The following MEPCE variants were observed in gnomAD, a reference collection of about 807,000 sequenced individuals.
MEPCE encodes the protein 7SK snRNA methylphosphate capping enzyme.
A neutral mutation model predicts 52.3 loss-of-function variants in MEPCE; 9 were observed. The ratio of observed to expected loss-of-function variants is 0.17; its 90% CI spans 0.10 to 0.30. The LOEUF is 0.30. Ranked by LOEUF, MEPCE falls within the 10% of genes least tolerant of loss-of-function variation. The probability of loss-of-function intolerance (pLI) is 1.00; values close to 1 mark genes in which losing one functional copy is unlikely to be tolerated. For synonymous variants in MEPCE, 477 were observed against 401.6 expected (o/e 1.19, Z -2.25); for missense variants, 826 against 933.0 (o/e 0.89, Z 1.49).
rs2130993893 is a variant in MEPCE, at chr7:100,429,833, C to T, written c.-186C>T. 4.5e-6 allele frequency: 2 copies of T among 445,886 alleles called. No homozygotes were observed. The highest frequency in any genetic ancestry group is 1.2e-4 in the South Asian group (1 of 8,264). The allele number at this position is 445,886 out of a possible 1,614,324, so 27.6% of individuals were successfully genotyped here. A position where few individuals can be genotyped will look rare whatever the true frequency, so the allele number is the denominator to read the frequency against. On this transcript the variant is annotated 5_prime_UTR_variant, in exon 1 of 4. Transcript: ENST00000310512. The stretch of plus-strand genomic sequence containing the variant: ...CGAGTAGTTCGGGTCTCGCGGGCCT[C>T]TTGTTTTGGTCTCGCGGGCTAGTAG...
chr7:100,430,079 A>G lies in MEPCE; in HGVS notation c.61A>G (p.Lys21Glu). ...GGTGCCGGCCCCGCCGCCGCCGCTC[A>G]AAGATGAGTCGGGCGGAGGGGGCGG... ...FLVPAPPPPL[K>E]DESGGGGGPT... Residue 21 changes from lysine (K) to glutamate (E), a missense_variant, in exon 1 of 4, where the codon AAA (lysine) becomes GAA (glutamate). Physicochemically the swap from Lys to Glu is moderately conservative, Grantham distance 56. Coordinates refer to ENST00000310512, the MANE Select transcript of MEPCE (RefSeq NM_019606.6). 1 of 1,267,728 alleles carries G rather than the reference A, an allele frequency of 7.9e-7. No homozygotes were observed. Among genetic ancestry groups the G allele is most frequent in the Non-Finnish European group, 9.9e-7 (1 of 1,006,786 alleles). The allele number at this position is 1,267,728 out of a possible 1,614,324, so 78.5% of individuals were successfully genotyped here. A position where few individuals can be genotyped will look rare whatever the true frequency, so the allele number is the denominator to read the frequency against.
At chr7:100,428,848 T>C (rs1356996761), upstream of MEPCE, 1 of 151,924 alleles carries the variant, frequency 6.6e-6, no homozygotes, top group Admixed American at 6.6e-5. Flanking sequence ...GGCGGATGCG[T>C]TGGGGTTCGG....
Position 100,430,793 on chromosome 7 carries a change from G to T in MEPCE, c.775G>T (p.Gly259Cys), listed in dbSNP as rs766437529. Residue 259 changes from glycine (G) to cysteine (C), a missense_variant, in exon 1 of 4, where the codon GGT becomes TGT. By Grantham distance (159) the Gly-to-Cys change is radical. Around this residue, in one of 7 missense-constraint regions of MEPCE, gnomAD observed 307 missense variants for 292.1 expected, o/e 1.05. Transcript: ENST00000310512. ...AGTTCTTGCTTCGCCACTCAAGACT[G>T]GTCGGAAGCGGCATAGACACCGGGG... ...HVVLASPLKT[G>C]RKRHRHRGQH... is the part of the protein sequence containing the mutation. 6.2e-7 allele frequency: 1 copy of T among 1,613,634 alleles called. No individual in the cohort carries two copies. Among genetic ancestry groups the T allele is most frequent in the Non-Finnish European group, 8.5e-7 (1 of 1,179,824 alleles).
In MEPCE at chr7:100,433,518, G is replaced by A. The variant is rs373761220; in HGVS notation, c.2034G>A (p.Val678=). The change falls in exon 4 of 4, where the codon GTG becomes GTA. Residue 678 remains valine, a synonymous_variant. Coordinates refer to ENST00000310512, the MANE Select transcript of MEPCE (RefSeq NM_019606.6). The part of the protein sequence containing the change: ...HNTSKGFQRP[V]YLFHKARSPS... ...TCCCCTCAGGCTTCCAGCGTCCTGTGTACCTGTTCCACAAGGCCCGATCCC... is the reference window on the plus strand; with the variant it reads ...TCCCCTCAGGCTTCCAGCGTCCTGTATACCTGTTCCACAAGGCCCGATCCC... 1.9e-5 allele frequency: 30 copies of A among 1,613,744 alleles called. No homozygotes were observed. In the African/African-American group the frequency reaches 3.5e-4, roughly 19 times the overall value.
At position 100,430,966 on chromosome 7, in the gene MEPCE, TGAACTC is replaced by T. The variant is rs764303228; in HGVS notation, c.949_954del (p.Glu317_Leu318del). On this transcript the variant is annotated inframe_deletion, in exon 1 of 4. Transcript: ENST00000310512. ...AGAACCGGGATGCCCCCCAACCCTA[TGAACTC>T]AACACAGCCATCAACTGCAGGGATG... 1 of 1,610,422 alleles carries T rather than the reference TGAACTC, an allele frequency of 6.2e-7. No individual in the cohort carries two copies. The highest frequency in any genetic ancestry group is 8.5e-7 in the Non-Finnish European group (1 of 1,177,752).
upstream of MEPCE, chr7:100,429,232 G>C (rs780688705): frequency 2.0e-5 from 3 of 152,198 alleles, no homozygotes; most frequent in Admixed American, 2.0e-4. Context: ...CGCCCCTCCG[G>C]ATCGCGCTGA....
chr7:100,433,232 T>C, intron 2 of MEPCE, 31 bp from the exon 3 acceptor site: 1 of 1,614,070 alleles, frequency 6.2e-7, no homozygotes, highest in Non-Finnish European at 8.5e-7. Context: ...GGCGGCAGCG[T>C]GCTGAAGTGG....
At position 100,430,492 on chromosome 7, in the gene MEPCE, CG is replaced by C; in HGVS notation, c.479del (p.Gly160GlufsTer14). ...RRNSCNVGGG[G>X]GGFKHPAFKR... ...GAAATAGCTGTAATGTAGGGGGAGG[CG>C]GGGGAGGCTTCAAACATCCGGCCTT... On this transcript the variant is annotated frameshift_variant, in exon 1 of 4. Coordinates refer to ENST00000310512, the MANE Select transcript of MEPCE (RefSeq NM_019606.6). LOFTEE classifies it high-confidence loss of function. 1.3e-6 allele frequency: 2 copies of C among 1,573,072 alleles called. No homozygotes were observed. Among genetic ancestry groups the C allele is most frequent in the Non-Finnish European group, 8.6e-7 (1 of 1,161,182 alleles).
In MEPCE at chr7:100,433,307, G is replaced by A; in HGVS notation, c.1935G>A (p.Glu645=). The change falls in exon 3 of 4, where the codon GAG becomes GAA. Residue 645 remains glutamate, a synonymous_variant. Coordinates refer to ENST00000310512, the MANE Select transcript of MEPCE (RefSeq NM_019606.6). ...KNYYRIQLKP[E]QFSSYLTSPD... Reference sequence around the variant, plus strand: ...ACTACCGAATCCAATTGAAGCCAGAGCAGTTCAGTTCCTACCTGACATCCC... The same window carrying A: ...ACTACCGAATCCAATTGAAGCCAGAACAGTTCAGTTCCTACCTGACATCCC... 2 of 1,614,192 alleles carry A rather than the reference G, an allele frequency of 1.2e-6. No individual in the cohort carries two copies. The highest frequency in any genetic ancestry group is 1.7e-6 in the Non-Finnish European group (2 of 1,180,040).
rs1798577524 is a variant in MEPCE at position 100,430,176 on chromosome 7, G to A, written c.158G>A (p.Arg53His). ...GGCGGGACGGAGCGTGGTCCGGGTC[G>A]TTGCGCGCCATCTGCGGGGTCCCCA... ...LRGGTERGPGRCAPSAGSPAA... is the reference protein window; with the variant it reads ...LRGGTERGPGHCAPSAGSPAA... The change falls in exon 1 of 4, where the codon CGT (arginine) becomes CAT (histidine). Residue 53 changes from arginine to histidine, a missense_variant. Transcript: ENST00000310512. 1.5e-6 allele frequency: 2 copies of A among 1,294,058 alleles called. No individual in the cohort carries two copies. Among genetic ancestry groups the A allele is most frequent in the East Asian group, 6.2e-5 (2 of 32,022 alleles). 80.2% of individuals were successfully genotyped at this position (1,294,058 alleles called of 1,614,324 possible).
rs1201631174 is a variant in MEPCE, at chr7:100,433,148, T to C, written c.1890+11T>C. 3 of 1,613,576 alleles carry C rather than the reference T, an allele frequency of 1.9e-6. No homozygotes were observed. Among genetic ancestry groups the C allele is most frequent in the African/African-American group, 2.7e-5 (2 of 74,888 alleles). Reference sequence around the variant, plus strand: ...AGAAAGACTCTTACAGTGAGTTGGGTGTTGGGGGAATAGTCATTCCTTTGG... The same window carrying C: ...AGAAAGACTCTTACAGTGAGTTGGGCGTTGGGGGAATAGTCATTCCTTTGG... On this transcript the variant is annotated intron_variant, in intron 2 of 3. Coordinates refer to ENST00000310512, the MANE Select transcript of MEPCE (RefSeq NM_019606.6).
intron 3 of MEPCE, 55 bp downstream of exon 3, chr7:100,433,444 C>G (rs1262183031): frequency 6.2e-7 from 1 of 1,613,890 alleles, no homozygotes; most frequent in Non-Finnish European, 8.5e-7. Context: ...GAGTGCAGAC[C>G]CCCATGGGGA....
At position 100,430,965 on chromosome 7, in the gene MEPCE, A is replaced by C. The variant is rs555404661; in HGVS notation, c.947A>C (p.Tyr316Ser). ...RGQNRDAPQP[Y>S]ELNTAINCRD... ...CAGAACCGGGATGCCCCCCAACCCT[A>C]TGAACTCAACACAGCCATCAACTGC... The change falls in exon 1 of 4, where the codon TAT becomes TCT. Residue 316 changes from tyrosine (Y) to serine (S), a missense_variant. By Grantham distance (144) the Tyr-to-Ser change is moderately radical. Around this residue, in one of 7 missense-constraint regions of MEPCE, gnomAD observed 307 missense variants for 292.1 expected, o/e 1.05. Transcript: ENST00000310512. The C allele has an allele frequency of 1.2e-6, 2 of 1,610,450 alleles. No individual in the cohort carries two copies. The highest frequency in any genetic ancestry group is 2.2e-5 in the South Asian group (2 of 90,804).
Position 100,432,904 on chromosome 7 carries a change from G to A in MEPCE, c.1672-15G>A, listed in dbSNP as rs1277384020. Reference sequence around the variant, plus strand: ...GATTCCCTCAGTTGACCTCACTGCCGATTCTTGCCCTCAGGGTAATTATGT... The same window carrying A: ...GATTCCCTCAGTTGACCTCACTGCCAATTCTTGCCCTCAGGGTAATTATGT... On this transcript the variant is annotated splice_polypyrimidine_tract_variant and intron_variant, in intron 1 of 3. Transcript: ENST00000310512. 45 of 1,612,476 alleles carry A rather than the reference G, an allele frequency of 2.8e-5. No homozygotes were observed. Among genetic ancestry groups the A allele is most frequent in the Non-Finnish European group, 3.7e-5 (44 of 1,178,800 alleles).
rs1355170623 is a variant in MEPCE, at chr7:100,433,370, A to C, written c.1998A>C (p.Thr666=). ...TCTCCAGCTATGAGCTTGTGGCCAC[A>C]CCCCACAACACCTCTAAAGGTAAGG... ...VGFSSYELVA[T]PHNTSKGFQR... The change falls in exon 3 of 4, where the codon ACA becomes ACC. Residue 666 remains threonine, a synonymous_variant. Coordinates refer to ENST00000310512, the MANE Select transcript of MEPCE (RefSeq NM_019606.6). The C allele has an allele frequency of 6.8e-6, 11 of 1,614,026 alleles. No individual in the cohort carries two copies. The highest frequency in any genetic ancestry group is 1.3e-5 in the African/African-American group (1 of 74,898).
In MEPCE at chr7:100,430,953, C is replaced by A; in HGVS notation, c.935C>A (p.Ala312Asp). 6.2e-7 allele frequency: 1 copy of A among 1,607,154 alleles called. No homozygotes were observed. Among genetic ancestry groups the A allele is most frequent in the Non-Finnish European group, 8.5e-7 (1 of 1,175,738 alleles). The stretch of plus-strand genomic sequence containing the variant: ...CGGCACAGGGGCCAGAACCGGGATG[C>A]CCCCCAACCCTATGAACTCAACACA... ...QPRHRGQNRD[A>D]PQPYELNTAI... is the part of the protein sequence containing the mutation. Residue 312 changes from alanine (A) to aspartate (D), a missense_variant, in exon 1 of 4, where the codon GCC becomes GAC. Ala to Asp is a moderately radical substitution (Grantham distance 126). This residue lies in a region of MEPCE where 307 missense variants were observed against 292.1 expected (regional missense o/e 1.05). Coordinates refer to ENST00000310512, the MANE Select transcript of MEPCE (RefSeq NM_019606.6).
Position 100,430,283 on chromosome 7 carries a change from G to A in MEPCE, c.265G>A (p.Gly89Ser), listed in dbSNP as rs1394437713. The A allele has an allele frequency of 3.6e-6, 5 of 1,400,282 alleles. No homozygotes were observed. Among genetic ancestry groups the A allele is most frequent in the Admixed American group, 3.1e-5 (1 of 31,762 alleles). 86.7% of individuals were successfully genotyped at this position (1,400,282 alleles called of 1,614,324 possible). A position where few individuals can be genotyped will look rare whatever the true frequency, so the allele number is the denominator to read the frequency against. The change falls in exon 1 of 4, where the codon GGC becomes AGC. Residue 89 changes from glycine to serine, a missense_variant. Coordinates refer to ENST00000310512, the MANE Select transcript of MEPCE (RefSeq NM_019606.6). ...GPQAQQHRGGGPQAQSHGEAR... is the reference protein window; with the variant it reads ...GPQAQQHRGGSPQAQSHGEAR... ...CCAGGCGCAGCAGCACCGAGGGGGC[G>A]GCCCCCAGGCGCAGTCGCATGGGGA...
In MEPCE at chr7:100,433,913, C is replaced by T. The variant is rs1798798543; in HGVS notation, c.*359C>T. ...CCAAGGAGAGAGATTCCCATTTCTC[C>T]TCGGCCATTGTACCTAGCTCTTGTC... On this transcript the variant is annotated 3_prime_UTR_variant, in exon 4 of 4. Transcript: ENST00000310512. 3.8e-6 allele frequency: 1 copy of T among 262,448 alleles called. No homozygotes were observed. The highest frequency in any genetic ancestry group is 5.5e-5 in the South Asian group (1 of 18,306). 16.3% of individuals were successfully genotyped at this position (262,448 alleles called of 1,614,324 possible).
rs1030226781 is a variant in MEPCE, at chr7:100,433,909, TCTC to T, written c.*359_*361del. On this transcript the variant is annotated 3_prime_UTR_variant, in exon 4 of 4. Transcript: ENST00000310512. ...TCTCCCAAGGAGAGAGATTCCCATT[TCTC>T]CTCGGCCATTGTACCTAGCTCTTGT... The T allele has an allele frequency of 8.1e-6, 2 of 247,888 alleles. No individual in the cohort carries two copies. The highest frequency in any genetic ancestry group is 4.7e-5 in the African/African-American group (2 of 42,834). The allele number at this position is 247,888 out of a possible 1,614,324, so 15.4% of individuals were successfully genotyped here. A position where few individuals can be genotyped will look rare whatever the true frequency, so the allele number is the denominator to read the frequency against.
Sources: gnomAD v4.1 joint callset for allele counts on GRCh38, gnomAD v4.1.1 for gene constraint, gnomAD v4.1.1 regional missense constraint, MANE v1.5 for transcripts, NCBI Gene and HGNC (gene_info 2026-07-23, HGNC 2026-07-21) for gene names.